Variants in DCP1B observed in about 807,000 individuals in gnomAD.
DCP1B encodes mRNA-decapping enzyme 1B.
DCP1B carries 47 observed loss-of-function variants against 60.5 expected under a neutral mutation model. That is an observed-to-expected ratio of 0.78 (90% CI 0.61 to 0.99). The LOEUF (loss-of-function observed/expected upper bound fraction) is 0.99. DCP1B is among the 50% of genes least tolerant of loss of function. The pLI, the probability that DCP1B is intolerant of heterozygous loss-of-function variation, is 0.00. For missense variants in DCP1B, 725 were observed against 756.8 expected (o/e 0.96, Z 0.49); for synonymous variants, 267 against 280.3 (o/e 0.95, Z 0.47).
intron 8 of DCP1B, among the ~76,000 whole-genome samples, chr12:1,947,533 A>G (rs2030481196): frequency 1.3e-5 from 2 of 152,160 alleles, no homozygotes; most frequent in African/African-American, 4.8e-5. Flanking sequence ...TGTAATTTCT[A>G]ATCCGCCATG....
chr12:1,995,472 G>A (rs1336798591), intron 2 of DCP1B, among the ~76,000 whole-genome samples: 1 of 152,264 alleles, frequency 6.6e-6, no homozygotes, highest in East Asian at 1.9e-4. Context: ...GGAGCATAAT[G>A]TAGACTCATA....
Position 1,995,808 on chromosome 12 carries a change from C to T in DCP1B, c.191+2127G>A, listed in dbSNP as rs983275913. Among the ~76,000 whole-genome samples the T allele has an allele frequency of 9.2e-5, 14 of 152,342 alleles. No individual in the cohort carries two copies. In the East Asian group the frequency reaches 2.7e-3, roughly 29 times the overall value. On this transcript the variant is annotated intron_variant, in intron 2 of 8. Coordinates refer to ENST00000280665, the MANE Select transcript of DCP1B (RefSeq NM_152640.5). ...CGGTTCCTCTTTATACTCACTCCTT[C>T]AGGGAACAGCTTTTATTTCATGGTT...
At chr12:1,981,059 C>T (rs185683839) in intron 3 of DCP1B, among the ~76,000 whole-genome samples, 7 of 152,304 alleles carry the variant, frequency 4.6e-5, no homozygotes, top group Admixed American at 2.6e-4. Context: ...TCCCACATTA[C>T]ATATCTCTTC....
intron 5 of DCP1B, among the ~76,000 whole-genome samples, chr12:1,960,812 C>G (rs1369695379): frequency 6.6e-6 from 1 of 152,186 alleles, no homozygotes; most frequent in Admixed American, 6.5e-5. Context: ...ACTGTTCAAT[C>G]TCTTCTTGAA....
chr12:1,950,691 G>T (rs2030636255), intron 7 of DCP1B, among the ~76,000 whole-genome samples: 1 of 152,164 alleles, frequency 6.6e-6, no homozygotes, highest in African/African-American at 2.4e-5. Flanking sequence ...CTACTGCCCA[G>T]GCTGGAGTGC....
At chr12:1,951,461 T>C (rs1001028839) in intron 7 of DCP1B, among the ~76,000 whole-genome samples, 3 of 152,234 alleles carry the variant, frequency 2.0e-5, no homozygotes, top group Non-Finnish European at 4.4e-5. Flanking sequence ...CAATAGCTTG[T>C]GGTTTCCTCA....
At chr12:1,992,878 A>C (rs2039792810) in intron 3 of DCP1B, 1 of 461,204 alleles carries the variant, frequency 2.2e-6, no homozygotes, top group African/African-American at 2.0e-5. Context: ...TGATACATAA[A>C]GAAAAAGTGC....
downstream of DCP1B, among the ~76,000 whole-genome samples, chr12:1,944,879 G>T (rs1280838508): frequency 6.6e-6 from 1 of 152,218 alleles, no homozygotes; most frequent in Non-Finnish European, 1.5e-5. Flanking sequence ...CATGTGCAAA[G>T]ACTTCATGAC....
chr12:2,004,450 A>G lies in DCP1B; in HGVS notation c.-19T>C, dbSNP rs753799062. On this transcript the variant is annotated 5_prime_UTR_variant, in exon 1 of 9. The change abolishes an upstream ATG in the 5' untranslated region. Coordinates refer to ENST00000280665, the MANE Select transcript of DCP1B (RefSeq NM_152640.5). Reference sequence around the variant, plus strand: ...CTGCCATCTTCCCTCCCTCCCAGACATAGGCACGGGGCTCTTGGAAGCCAC... The same window carrying G: ...CTGCCATCTTCCCTCCCTCCCAGACGTAGGCACGGGGCTCTTGGAAGCCAC... 12 of 1,598,108 alleles carry G rather than the reference A, an allele frequency of 7.5e-6. No homozygotes were observed. The highest frequency in any genetic ancestry group is 1.7e-5 in the Admixed American group (1 of 59,170).
At chr12:1,983,059 C>G (rs770300087) in intron 3 of DCP1B, among the ~76,000 whole-genome samples, 1 of 151,094 alleles carries the variant, frequency 6.6e-6, no homozygotes, top group Non-Finnish European at 1.5e-5. Flanking sequence ...ATAGTACTCC[C>G]TTATTATCCT....
Position 1,948,972 on chromosome 12 carries a change from A to T in DCP1B, c.1773+114T>A. ...GGGGTCAGGATGAGTTGTTACACAC[A>T]CCTGTTATTCTCACGGAAGCTAAGC... On this transcript the variant is annotated intron_variant, in intron 8 of 8. Transcript: ENST00000280665. The surrounding 1 kb of genome is among the most constrained non-coding windows in gnomAD (Gnocchi z 4.8). 1 of 1,381,370 alleles carries T rather than the reference A, an allele frequency of 7.2e-7. No homozygotes were observed. The allele number at this position is 1,381,370 out of a possible 1,614,324, so 85.6% of individuals were successfully genotyped here.
chr12:1,953,305 T>C lies in DCP1B; in HGVS notation c.652-17A>G, dbSNP rs771225762. The C allele has an allele frequency of 3.2e-6, 5 of 1,547,648 alleles. No individual in the cohort carries two copies. Among genetic ancestry groups the C allele is most frequent in the Admixed American group, 3.9e-5 (2 of 51,232 alleles). The stretch of plus-strand genomic sequence containing the variant: ...GTCTAAGGTCTGGAAAAAATAAAGA[T>C]ATCTGACATGAGTCTACAAACAATT... On this transcript the variant is annotated splice_polypyrimidine_tract_variant and intron_variant, in intron 6 of 8. Transcript: ENST00000280665.
rs550741642 is a variant in DCP1B at position 1,947,296 on chromosome 12, C to T, written c.1774-1010G>A. On this transcript the variant is annotated intron_variant, in intron 8 of 8. Transcript: ENST00000280665. ...AGTAATTCACCCACACTTCACATTC[C>T]CCCTTCATTCCCTCTTGGCACCCCA... Among the ~76,000 whole-genome samples, 118 of 152,308 alleles carry T rather than the reference C, an allele frequency of 7.7e-4. 1 individual carries two copies. Among genetic ancestry groups the T allele is most frequent in the African/African-American group, 2.6e-3 (109 of 41,572 alleles).
chr12:2,004,376 G>T lies in DCP1B; in HGVS notation c.56C>A (p.Ala19Glu), dbSNP rs1376657414. The T allele has an allele frequency of 6.2e-7, 1 of 1,612,906 alleles. No individual in the cohort carries two copies. The highest frequency in any genetic ancestry group is 8.5e-7 in the Non-Finnish European group (1 of 1,179,830). Residue 19 changes from alanine to glutamate, a missense_variant, in exon 1 of 9, where the codon GCG (alanine) becomes GAG (glutamate). Ala to Glu is a moderately radical substitution (Grantham distance 107). Transcript: ENST00000280665. ...LVGKGRDISL[A>E]ALQRHDPYIN... ...ATAGGGGTCGTGGCGCTGCAGGGCC[G>T]CTAGGCTGATGTCGCGCCCCTTTCC...
At chr12:1,984,806 C>CT (rs1156339042) in intron 3 of DCP1B, among the ~76,000 whole-genome samples, 1 of 105,196 alleles carries the variant, frequency 9.5e-6, no homozygotes, top group Non-Finnish European at 2.0e-5. Context: ...AAAAAAGGTT[C>CT]TTTTTATGTT....
At chr12:1,947,315 C>T (rs1417518982) in intron 8 of DCP1B, among the ~76,000 whole-genome samples, 1 of 152,212 alleles carries the variant, frequency 6.6e-6, no homozygotes, top group Non-Finnish European at 1.5e-5. Flanking sequence ...TCCCTCTTGG[C>T]ACCCCACACA....
chr12:1,992,166 T>C (rs184798107), intron 3 of DCP1B: 236 of 191,962 alleles, frequency 1.2e-3, no homozygotes, highest in Non-Finnish European at 2.4e-3. Context: ...AATATTTTTC[T>C]ATATTGCAAA....
At chr12:1,994,494 G>C (rs2040320085) in intron 2 of DCP1B, among the ~76,000 whole-genome samples, 1 of 152,150 alleles carries the variant, frequency 6.6e-6, no homozygotes, top group Admixed American at 6.5e-5. Flanking sequence ...GGGTAAAGTG[G>C]TGGTAAGCAT....
chr12:1,984,994 T>C (rs571475937), intron 3 of DCP1B, among the ~76,000 whole-genome samples: 2 of 151,752 alleles, frequency 1.3e-5, no homozygotes, highest in East Asian at 3.9e-4. Context: ...ATTATTATCC[T>C]AGATGTAACA....
Sources: gnomAD v4.1 joint callset for allele counts (sites outside exome capture counted in the v4.1 genomes callset) on GRCh38, gnomAD v4.1.1 for gene constraint, Gnocchi (gnomAD v3.1) non-coding constraint, MANE v1.5 for transcripts, NCBI Gene and HGNC (gene_info 2026-07-23, HGNC 2026-07-21) for gene names.